Variants in CDH4 observed in about 807,000 individuals in gnomAD.
CDH4 encodes cadherin-4.
In CDH4, 33 loss-of-function variants were observed where a neutral mutation model predicts 86.0. That is an observed-to-expected ratio of 0.38 (90% CI 0.29 to 0.51). The LOEUF (loss-of-function observed/expected upper bound fraction) is 0.51. Ranked by LOEUF, CDH4 falls within the 20% of genes least tolerant of loss-of-function variation. CDH4 has a pLI of 0.86. For missense variants in CDH4, 1,114 were observed against 1,307.4 expected (o/e 0.85, Z 2.28); for synonymous variants, 555 against 549.4 (o/e 1.01, Z -0.14).
chr20:61,664,831 C>G (rs1273565358), intron 2 of CDH4, among the ~76,000 whole-genome samples: 2 of 152,236 alleles, frequency 1.3e-5, no homozygotes, highest in African/African-American at 4.8e-5. Context: ...ATCTGTTGCT[C>G]TAATGTGGCG....
chr20:61,255,195 A>G (rs2084092153), intron 2 of CDH4, among the ~76,000 whole-genome samples: 1 of 152,246 alleles, frequency 6.6e-6, no homozygotes, highest in African/African-American at 2.4e-5. Context: ...CATCACCCAA[A>G]TAGTGTGCAG....
At chr20:61,660,549 C>A (rs371664019) in intron 2 of CDH4, among the ~76,000 whole-genome samples, 1 of 152,132 alleles carries the variant, frequency 6.6e-6, no homozygotes, top group Non-Finnish European at 1.5e-5. Flanking sequence ...CATGTGGGTG[C>A]GCCTGACTGT....
chr20:61,396,246 GCCACAT>G (rs2085016127), intron 2 of CDH4, among the ~76,000 whole-genome samples: 2 of 152,114 alleles, frequency 1.3e-5, no homozygotes, highest in South Asian at 2.1e-4. Context: ...GAGGGTGAGG[GCCACAT>G]CCTGGTACCA....
chr20:61,318,411 GC>G (rs2084489395), intron 2 of CDH4, among the ~76,000 whole-genome samples: 1 of 151,384 alleles, frequency 6.6e-6, no homozygotes, highest in African/African-American at 2.5e-5. Context: ...AAAAACCTAA[GC>G]GTGTGACAAT....
intron 2 of CDH4, among the ~76,000 whole-genome samples, chr20:61,571,645 C>T (rs1018121474): frequency 2.0e-5 from 3 of 152,228 alleles, no homozygotes; most frequent in Non-Finnish European, 4.4e-5. Context: ...CCAGCTCCCA[C>T]TGAAGGACCT....
At position 61,797,093 on chromosome 20, in the gene CDH4, C is replaced by G. The variant is rs866326829; in HGVS notation, c.576+23911C>G. Among the ~76,000 whole-genome samples the G allele has an allele frequency of 9.2e-5, 14 of 152,062 alleles. No individual in the cohort carries two copies. The South Asian group carries it at 1.0e-3, about 11-fold the overall frequency. On this transcript the variant is annotated intron_variant, in intron 4 of 15. Coordinates refer to ENST00000614565, the MANE Select transcript of CDH4 (RefSeq NM_001794.5). ...GCTGGGACAGGAAGAGCCCCCCCCC[C>G]CCCAACACTGGCCAGCTCCTGGTGG...
At chr20:61,626,141 G>A (rs2086827888) in intron 2 of CDH4, among the ~76,000 whole-genome samples, 1 of 152,248 alleles carries the variant, frequency 6.6e-6, no homozygotes, top group African/African-American at 2.4e-5. Flanking sequence ...CCGAGACCCT[G>A]CCCTTGGGAA....
chr20:61,478,662 A>G lies in CDH4; in HGVS notation c.169+223725A>G, dbSNP rs557437906. Among the ~76,000 whole-genome samples, 3 of 152,354 alleles carry G rather than the reference A, an allele frequency of 2.0e-5. No individual in the cohort carries two copies. The South Asian group carries it at 6.2e-4, about 32-fold the overall frequency. On this transcript the variant is annotated intron_variant, in intron 2 of 15. Coordinates refer to ENST00000614565, the MANE Select transcript of CDH4 (RefSeq NM_001794.5). ...GTGTTGTGGTTCTACAGGTCTACCA[A>G]GGAGTCGAAGCCCGGCGTGTAGCAG...
chr20:61,346,159 TGA>T (rs1329803364), intron 2 of CDH4, among the ~76,000 whole-genome samples: 2 of 151,794 alleles, frequency 1.3e-5, no homozygotes, highest in African/African-American at 4.8e-5. Context: ...TCTCTCAGGG[TGA>T]GGTGGTCATT....
intron 2 of CDH4, among the ~76,000 whole-genome samples, chr20:61,350,933 A>G (rs1600891293): frequency 6.6e-6 from 1 of 152,176 alleles, no homozygotes; most frequent in Non-Finnish European, 1.5e-5. Flanking sequence ...GACTCAATAC[A>G]GAGACCATCG....
intron 2 of CDH4, among the ~76,000 whole-genome samples, chr20:61,413,597 G>A (rs1394259713): frequency 6.6e-6 from 1 of 152,194 alleles, no homozygotes; most frequent in African/African-American, 2.4e-5. Context: ...CTGTGCGATG[G>A]CTGTTACCGC....
rs1379547659 is a variant in CDH4 at position 61,767,524 on chromosome 20, A to G, written c.397-5479A>G. On this transcript the variant is annotated intron_variant, in intron 3 of 15. Transcript: ENST00000614565. ...GAGGCGCCCAGGCAGAGAGAGGGGC[A>G]GGAGCAGGGCCTTGGGCGGTGGAGG... Among the ~76,000 whole-genome samples the G allele has an allele frequency of 7.2e-5, 11 of 152,338 alleles. No homozygotes were observed. In the East Asian group the frequency reaches 1.9e-3, roughly 27 times the overall value.
At chr20:61,748,675 G>T (rs1327485050) in intron 3 of CDH4, among the ~76,000 whole-genome samples, 1 of 152,154 alleles carries the variant, frequency 6.6e-6, no homozygotes, top group Non-Finnish European at 1.5e-5. Flanking sequence ...CATAAACTTT[G>T]AGAAGGGATA....
At chr20:61,547,936 A>T (rs367801470) in intron 2 of CDH4, among the ~76,000 whole-genome samples, 3 of 152,256 alleles carry the variant, frequency 2.0e-5, no homozygotes, top group African/African-American at 7.2e-5. Context: ...TAAGCTTTAG[A>T]TAACAGCGTG....
intron 2 of CDH4, among the ~76,000 whole-genome samples, chr20:61,481,821 G>C (rs186814233): frequency 6.6e-6 from 1 of 152,186 alleles, no homozygotes; most frequent in East Asian, 1.9e-4. Context: ...GAACCAAACT[G>C]CCTCAGCAAA....
rs1555809036 is a variant in CDH4, at chr20:61,565,146, T to TGG, written c.170-178417_170-178416insGG. ...CTTGGTGGTGCTGGTCCTCTTGGTG[T>TGG]TGGTAGTGGTCCTCTTGGTGATGGG... On this transcript the variant is annotated intron_variant, in intron 2 of 15. Coordinates refer to ENST00000614565, the MANE Select transcript of CDH4 (RefSeq NM_001794.5). Among the ~76,000 whole-genome samples the TGG allele has an allele frequency of 4.3e-4, 40 of 93,308 alleles. 1 individual carries two copies. Among genetic ancestry groups the TGG allele is most frequent in the East Asian group, 8.0e-4 (3 of 3,738 alleles). The allele number at this position is 93,308 out of a possible 152,430, so 61.2% of individuals were successfully genotyped here. A position where few individuals can be genotyped will look rare whatever the true frequency, so the allele number is the denominator to read the frequency against.
At chr20:61,651,473 C>A (rs1323891018) in intron 2 of CDH4, among the ~76,000 whole-genome samples, 1 of 152,226 alleles carries the variant, frequency 6.6e-6, no homozygotes, top group Non-Finnish European at 1.5e-5. Context: ...CCCCTTATGA[C>A]CGGCAGCCTG....
At chr20:61,670,351 G>A (rs2087372686) in intron 2 of CDH4, among the ~76,000 whole-genome samples, 2 of 152,156 alleles carry the variant, frequency 1.3e-5, no homozygotes, top group South Asian at 2.1e-4. Flanking sequence ...ATAGTTCCAG[G>A]AAAATATTGG....
In CDH4 at chr20:61,579,825, A is replaced by G. The variant is rs1197667757; in HGVS notation, c.170-163738A>G. 2.6e-5 allele frequency among the ~76,000 whole-genome samples: 4 copies of G among 152,192 alleles called. No individual in the cohort carries two copies. The East Asian group carries it at 7.7e-4, about 29-fold the overall frequency. ...GTAAAATTGAAGTGTAAGGCTGAGT[A>G]CCAAGTATGAATGCAAACGTCCCTC... On this transcript the variant is annotated intron_variant, in intron 2 of 15. Coordinates refer to ENST00000614565, the MANE Select transcript of CDH4 (RefSeq NM_001794.5).
Sources: allele counts gnomAD v4.1 joint callset (sites outside exome capture counted in the v4.1 genomes callset), GRCh38; gene constraint gnomAD v4.1.1; transcripts MANE v1.5; gene names NCBI Gene and HGNC (gene_info 2026-07-23, HGNC 2026-07-21).